UGT1A8: variants seen among roughly 807,000 people sequenced by gnomAD.
The protein encoded by UGT1A8 is UDP glucuronosyltransferase family 1 member A8.
In UGT1A8, 39 loss-of-function variants were observed where a neutral mutation model predicts 45.3. The ratio of observed to expected loss-of-function variants is 0.86; its 90% CI spans 0.67 to 1.12. The LOEUF is 1.12. UGT1A8 is among the 50% of genes most tolerant of loss of function. The probability of loss-of-function intolerance (pLI) is 0.00; values close to 1 mark genes in which losing one functional copy is unlikely to be tolerated. For missense variants in UGT1A8, 719 were observed against 664.9 expected, an observed-to-expected ratio of 1.08 and a Z score of -0.90; for synonymous variants, 275 against 249.2, an observed-to-expected ratio of 1.10 and a Z score of -0.97.
At chr2:233,743,761 G>A (rs767554453) in intron 1 of UGT1A8, 25 of 1,367,324 alleles carry the variant, frequency 1.8e-5, no homozygotes, top group Admixed American at 5.7e-5. Flanking sequence ...ACACCTCGTA[G>A]GCCTCGGCCA....
intron 1 of UGT1A8, among the ~76,000 whole-genome samples, chr2:233,661,186 T>C (rs1255034443): frequency 6.6e-6 from 1 of 151,814 alleles, no homozygotes; most frequent in Non-Finnish European, 1.5e-5. Flanking sequence ...CTGAAATATG[T>C]GAGCGTTCCC....
chr2:233,748,172 T>C, intron 1 of UGT1A8: 1 of 1,584,752 alleles, frequency 6.3e-7, no homozygotes, highest in East Asian at 2.2e-5. Flanking sequence ...TCTACTTATC[T>C]TTCTGGTGCT....
At chr2:233,645,152 A>G (rs2073566232) in intron 1 of UGT1A8, among the ~76,000 whole-genome samples, 1 of 152,176 alleles carries the variant, frequency 6.6e-6, no homozygotes, top group African/African-American at 2.4e-5. Context: ...GCATCGATGA[A>G]AGCAATCCAG....
intron 1 of UGT1A8, among the ~76,000 whole-genome samples, chr2:233,757,545 T>C (rs9711502): frequency 0.043 from 2,722 of 63,592 alleles, 156 homozygotes; most frequent in African/African-American, 0.1. Flanking sequence ...AATATATATA[T>C]ATATATATAT....
chr2:233,688,288 G>A (rs562176649), intron 1 of UGT1A8, among the ~76,000 whole-genome samples: 3 of 152,202 alleles, frequency 2.0e-5, no homozygotes, highest in African/African-American at 4.8e-5. Context: ...TGGATTTACC[G>A]CATTTTTTTT....
At chr2:233,767,305 G>T (rs907806050) in intron 2 of UGT1A8, 140 bp downstream of exon 2, 20 of 1,519,058 alleles carry the variant, frequency 1.3e-5, no homozygotes, top group Non-Finnish European at 1.7e-5. Context: ...TAATCCAAAG[G>T]TTTTTTTTGT....
chr2:233,751,515 A>G (rs1261607058), intron 1 of UGT1A8, among the ~76,000 whole-genome samples: 1 of 152,234 alleles, frequency 6.6e-6, no homozygotes, highest in Non-Finnish European at 1.5e-5. Flanking sequence ...GCCAGAGGGC[A>G]GAATGATATG....
At chr2:233,760,942 C>G (rs1253140529) in intron 1 of UGT1A8, 13 of 1,614,092 alleles carry the variant, frequency 8.1e-6, no homozygotes, top group Non-Finnish European at 1.1e-5. Flanking sequence ...TGCCTTTTCA[C>G]AGAACTTTCT....
At chr2:233,732,739 T>C (rs2078307146) in intron 1 of UGT1A8, among the ~76,000 whole-genome samples, 1 of 151,466 alleles carries the variant, frequency 6.6e-6, no homozygotes, top group Non-Finnish European at 1.5e-5. Flanking sequence ...TCAGGTAGCA[T>C]GATGCCACCA....
At chr2:233,682,875 TTACATTTG>T in intron 1 of UGT1A8, 1 of 1,520,762 alleles carries the variant, frequency 6.6e-7, no homozygotes, top group Non-Finnish European at 8.8e-7. Flanking sequence ...AATTTATCAT[TTACATTTG>T]TCCCATTTGG....
At chr2:233,696,603 G>A (rs1255929079) in intron 1 of UGT1A8, among the ~76,000 whole-genome samples, 1 of 135,292 alleles carries the variant, frequency 7.4e-6, no homozygotes, top group Non-Finnish European at 1.6e-5. Context: ...CAACTTGGAT[G>A]CCCTTTCTTT....
chr2:233,752,178 G>A (rs941619397), intron 1 of UGT1A8, among the ~76,000 whole-genome samples: 2 of 152,178 alleles, frequency 1.3e-5, no homozygotes, highest in African/African-American at 4.8e-5. Flanking sequence ...GATGTAAGCT[G>A]AATTAAAATC....
intron 1 of UGT1A8, chr2:233,729,074 T>C: frequency 1.2e-6 from 2 of 1,611,804 alleles, no homozygotes; most frequent in Non-Finnish European, 1.7e-6. Flanking sequence ...AGAAAGCAAA[T>C]GTAGCAGGCA....
chr2:233,678,713 ATCT>A (rs2074425909), intron 1 of UGT1A8, among the ~76,000 whole-genome samples: 1 of 152,060 alleles, frequency 6.6e-6, no homozygotes, highest in Non-Finnish European at 1.5e-5. Context: ...CTTCTTCTAC[ATCT>A]TCTTTCTCAT....
intron 1 of UGT1A8, among the ~76,000 whole-genome samples, chr2:233,717,290 C>T (rs3806592): frequency 0.42 from 63,446 of 151,946 alleles, 14,273 homozygotes; most frequent in African/African-American, 0.59. Flanking sequence ...ATGTTGCACC[C>T]ACAGCTGAGA....
At chr2:233,758,572 TGAA>T (rs1353385899) in intron 1 of UGT1A8, among the ~76,000 whole-genome samples, 1 of 152,298 alleles carries the variant, frequency 6.6e-6, no homozygotes, top group East Asian at 1.9e-4. Flanking sequence ...TCCTAAAAAA[TGAA>T]GAGTGTTTGG....
intron 1 of UGT1A8, among the ~76,000 whole-genome samples, chr2:233,622,019 T>A (rs748829245): frequency 5.3e-5 from 8 of 152,224 alleles, no homozygotes; most frequent in Non-Finnish European, 1.2e-4. Flanking sequence ...CTGAGAACGA[T>A]AGTTTCCAAC....
intron 1 of UGT1A8, among the ~76,000 whole-genome samples, chr2:233,730,808 C>A (rs2078077498): frequency 6.6e-6 from 1 of 152,092 alleles, no homozygotes; most frequent in Non-Finnish European, 1.5e-5. Flanking sequence ...GGACATGCGT[C>A]CAAGAAGGGA....
chr2:233,717,337 A>G (rs11676072), intron 1 of UGT1A8, among the ~76,000 whole-genome samples: 4,456 of 152,324 alleles, frequency 0.029, 61 homozygotes, highest in African/African-American at 0.039. Flanking sequence ...ACAAATCCCC[A>G]GAAATCGTCC....
Sources: allele counts gnomAD v4.1 joint callset (sites outside exome capture counted in the v4.1 genomes callset), GRCh38; gene constraint gnomAD v4.1.1; transcripts MANE v1.5; gene names NCBI Gene and HGNC (gene_info 2026-07-23, HGNC 2026-07-21).